PCLO: variants seen among roughly 807,000 people sequenced by gnomAD.
PCLO encodes the protein protein piccolo.
PCLO carries 82 observed loss-of-function variants against 427.5 expected under a neutral mutation model. The observed-to-expected ratio is 0.19, with a 90% CI of 0.16 to 0.23. PCLO has a LOEUF of 0.23. PCLO is among the 10% of genes least tolerant of loss of function. The probability of loss-of-function intolerance (pLI) is 1.00; values close to 1 mark genes in which losing one functional copy is unlikely to be tolerated. For synonymous variants in PCLO, 2,357 were observed against 2,155.4 expected (o/e 1.09, Z -2.59); for missense variants, 6,239 against 6,115.9 (o/e 1.02, Z -0.67).
chr7:82,906,135 T>C (rs1794187480), intron 8 of PCLO, among the ~76,000 whole-genome samples: 1 of 152,006 alleles, frequency 6.6e-6, no homozygotes, highest in Non-Finnish European at 1.5e-5. Context: ...AGATTCGGTT[T>C]ATTTTTATAA....
chr7:82,907,753 A>T (rs1016601960), intron 8 of PCLO, among the ~76,000 whole-genome samples: 6 of 152,110 alleles, frequency 3.9e-5, no homozygotes, highest in African/African-American at 1.2e-4. Context: ...AATTAAAAAG[A>T]TTCTAGAAAA....
At chr7:82,784,342 G>A (rs1018087218) in intron 22 of PCLO, among the ~76,000 whole-genome samples, 3 of 152,074 alleles carry the variant, frequency 2.0e-5, no homozygotes, top group East Asian at 1.9e-4. Context: ...CTGGTCAGCC[G>A]GGAACGTTAT....
rs1179907917 is a variant in PCLO at position 83,134,561 on chromosome 7, T to A, written c.2989A>T (p.Lys997Ter). The change falls in exon 3 of 25, where the codon AAA (lysine) becomes TAA (stop). Residue 997 changes from lysine (K) to a stop codon, truncating the protein, a stop_gained. Transcript: ENST00000333891. LOFTEE classifies it high-confidence loss of function. ...GCTGCTGGGGCTTTTGTTTCCTTTT[T>A]CACAGGTATACTTTTTGCAGGTGCT... ...PPAPAKSIPV[K>*]KETKAPAAEK... 6.2e-7 allele frequency: 1 copy of A among 1,613,948 alleles called. No homozygotes were observed.
chr7:83,101,586 C>A (rs953901523), intron 3 of PCLO, among the ~76,000 whole-genome samples: 3 of 151,878 alleles, frequency 2.0e-5, no homozygotes, highest in Non-Finnish European at 4.4e-5. Context: ...TAAATTACAC[C>A]CACTGACAGT....
chr7:82,831,782 A>G lies in PCLO; in HGVS notation c.14250-3816T>C, dbSNP rs139062861. 1.9e-3 allele frequency among the ~76,000 whole-genome samples: 290 copies of G among 152,298 alleles called. 5 individuals are homozygous for G. The highest frequency in any genetic ancestry group is 6.6e-3 in the African/African-American group (273 of 41,572). ...CCTAAACACCAATGAAAGCCTTTGC[A>G]GTATTTTTTGCCCTTGCATTTCCTG... On this transcript the variant is annotated intron_variant, in intron 16 of 24. Transcript: ENST00000333891.
chr7:83,105,665 T>G (rs1029990580), intron 3 of PCLO, among the ~76,000 whole-genome samples: 4 of 152,190 alleles, frequency 2.6e-5, no homozygotes, highest in Non-Finnish European at 5.9e-5. Flanking sequence ...ACGGACACTG[T>G]GCAAAGTGCT....
intron 16 of PCLO, among the ~76,000 whole-genome samples, chr7:82,834,502 C>T (rs1370693838): frequency 1.3e-5 from 2 of 152,100 alleles, no homozygotes; most frequent in Admixed American, 6.6e-5. Context: ...TCAGAAACAG[C>T]CTCATTTGGG....
At position 83,162,863 on chromosome 7, in the gene PCLO, C is replaced by G. The variant is rs929960514; in HGVS notation, c.-271G>C. 2.6e-5 allele frequency: 13 copies of G among 496,168 alleles called. No individual in the cohort carries two copies. Among genetic ancestry groups the G allele is most frequent in the Middle Eastern group, 1.0e-3 (2 of 1,936 alleles). 30.7% of individuals were successfully genotyped at this position (496,168 alleles called of 1,614,324 possible). ...CCTCCCGGACGCCGCCTCGGCGCCCCGAGCCGGGGAGAAGCAGATCTGAGC... is the reference window on the plus strand; with the variant it reads ...CCTCCCGGACGCCGCCTCGGCGCCCGGAGCCGGGGAGAAGCAGATCTGAGC... On this transcript the variant is annotated 5_prime_UTR_variant, in exon 1 of 25. Coordinates refer to ENST00000333891, the MANE Select transcript of PCLO (RefSeq NM_033026.6).
At chr7:83,147,804 G>A (rs1792032965) in intron 2 of PCLO, among the ~76,000 whole-genome samples, 1 of 152,074 alleles carries the variant, frequency 6.6e-6, no homozygotes, top group South Asian at 2.1e-4. Flanking sequence ...GGCATAAAAA[G>A]TAAAAGCCTC....
chr7:83,099,542 C>T (rs571927036), intron 3 of PCLO, among the ~76,000 whole-genome samples: 3 of 151,882 alleles, frequency 2.0e-5, no homozygotes, highest in African/African-American at 7.2e-5. Context: ...GCAGGGGCCA[C>T]CATGCCCAGC....
At chr7:82,859,079 C>T (rs1174203026) in intron 10 of PCLO, among the ~76,000 whole-genome samples, 2 of 152,144 alleles carry the variant, frequency 1.3e-5, no homozygotes, top group Admixed American at 6.6e-5. Flanking sequence ...GCCAGCTCAG[C>T]TGCAATACAA....
At chr7:83,073,148 G>A (rs1190688587) in intron 3 of PCLO, among the ~76,000 whole-genome samples, 1 of 151,844 alleles carries the variant, frequency 6.6e-6, no homozygotes, top group Non-Finnish European at 1.5e-5. Flanking sequence ...AATATTACAA[G>A]AAGGCAGGAA....
chr7:83,011,919 G>C (rs1562917809), intron 3 of PCLO, among the ~76,000 whole-genome samples: 2 of 152,210 alleles, frequency 1.3e-5, no homozygotes, highest in East Asian at 3.9e-4. Context: ...GACTCTGCTA[G>C]GCACTGAGAA....
chr7:82,785,265 T>C (rs958363772), intron 22 of PCLO, among the ~76,000 whole-genome samples: 1 of 151,998 alleles, frequency 6.6e-6, no homozygotes, highest in Admixed American at 6.6e-5. Context: ...ACAACCTAGA[T>C]CCATCACATG....
chr7:82,838,500 A>T (rs1429366950), intron 14 of PCLO, among the ~76,000 whole-genome samples, 158 bp from the exon 15 acceptor site: 1 of 151,930 alleles, frequency 6.6e-6, no homozygotes, highest in African/African-American at 2.4e-5. Flanking sequence ...TGTCTAATTT[A>T]ATTGAGAGCT....
chr7:82,881,702 T>G (rs1793512187), intron 9 of PCLO, among the ~76,000 whole-genome samples: 1 of 152,202 alleles, frequency 6.6e-6, no homozygotes, highest in Admixed American at 6.5e-5. Context: ...TGGAGTGCAA[T>G]GGTGTGATCA....
intron 10 of PCLO, among the ~76,000 whole-genome samples, chr7:82,849,830 G>A (rs572442016): frequency 9.2e-5 from 14 of 151,862 alleles, no homozygotes; most frequent in South Asian, 6.2e-4. Context: ...TTCACACTGC[G>A]TTTTAGAAAG....
intron 22 of PCLO, among the ~76,000 whole-genome samples, chr7:82,772,364 T>C (rs1183068604): frequency 6.6e-6 from 1 of 152,160 alleles, no homozygotes; most frequent in Non-Finnish European, 1.5e-5. Flanking sequence ...TTTTTATTTA[T>C]ATGTATATCA....
chr7:83,065,151 A>C (rs1789636364), intron 3 of PCLO, among the ~76,000 whole-genome samples: 1 of 151,900 alleles, frequency 6.6e-6, no homozygotes, highest in Non-Finnish European at 1.5e-5. Context: ...CAAGTGTTTA[A>C]AAACTTGTTG....
Sources: gnomAD v4.1 joint callset for allele counts (sites outside exome capture counted in the v4.1 genomes callset) on GRCh38, gnomAD v4.1.1 for gene constraint, MANE v1.5 for transcripts, NCBI Gene and HGNC (gene_info 2026-07-23, HGNC 2026-07-21) for gene names.